The following MACROD2 variants were observed in gnomAD, a reference collection of about 807,000 sequenced individuals.
The protein encoded by MACROD2 is mono-ADP ribosylhydrolase 2.
MACROD2 carries 36 observed loss-of-function variants against 70.4 expected under a neutral mutation model. That is an observed-to-expected ratio of 0.51 (90% CI 0.39 to 0.68). The LOEUF is 0.68. Among genes scored for constraint, MACROD2 ranks in the 30% least tolerant of loss-of-function variants. The pLI is 0.00. For missense variants in MACROD2, 496 were observed against 538.4 expected, an observed-to-expected ratio of 0.92 and a Z score of 0.78; for synonymous variants, 172 against 178.8, an observed-to-expected ratio of 0.96 and a Z score of 0.30.
intron 8 of MACROD2, among the ~76,000 whole-genome samples, chr20:15,796,224 A>C (rs1036253343): frequency 6.6e-6 from 1 of 152,228 alleles, no homozygotes; most frequent in Non-Finnish European, 1.5e-5. Context: ...GGTGTTAACT[A>C]TAAGAAGCCC....
intron 6 of MACROD2, among the ~76,000 whole-genome samples, chr20:15,351,478 T>TGAGA (rs1201208692): frequency 2.0e-5 from 3 of 152,180 alleles, no homozygotes; most frequent in Admixed American, 2.0e-4. Flanking sequence ...ATCAATTCCA[T>TGAGA]GAGAGTAACA....
chr20:15,433,601 T>A (rs1340818621), intron 7 of MACROD2, among the ~76,000 whole-genome samples: 1 of 151,930 alleles, frequency 6.6e-6, no homozygotes, highest in Admixed American at 6.6e-5. Flanking sequence ...CCCATGCTCA[T>A]GGATGGGTAG....
intron 4 of MACROD2, among the ~76,000 whole-genome samples, chr20:14,631,474 A>T (rs949059903): frequency 6.6e-6 from 1 of 152,222 alleles, no homozygotes; most frequent in Non-Finnish European, 1.5e-5. Flanking sequence ...GGATCTTTAA[A>T]TTTAAGAAAA....
intron 13 of MACROD2, among the ~76,000 whole-genome samples, chr20:15,978,435 G>A (rs1025059925): frequency 2.6e-5 from 4 of 152,124 alleles, no homozygotes; most frequent in East Asian, 1.9e-4. Context: ...AGCTGGTCAC[G>A]AGATGATATG....
At chr20:15,888,360 C>T (rs908474292) in intron 10 of MACROD2, among the ~76,000 whole-genome samples, 9 of 152,244 alleles carry the variant, frequency 5.9e-5, no homozygotes, top group African/African-American at 2.2e-4. Flanking sequence ...TTGCCATTCT[C>T]ATTTATCCTG....
chr20:14,664,478 T>G (rs891954320), intron 4 of MACROD2, among the ~76,000 whole-genome samples: 1 of 152,112 alleles, frequency 6.6e-6, no homozygotes, highest in Admixed American at 6.6e-5. Flanking sequence ...TTTAGGCATG[T>G]AATAACATTA....
intron 3 of MACROD2, among the ~76,000 whole-genome samples, chr20:14,408,111 T>A (rs912832738): frequency 6.6e-6 from 1 of 152,180 alleles, no homozygotes; most frequent in African/African-American, 2.4e-5. Flanking sequence ...TAGTGCCTCC[T>A]TTATAGGATT....
intron 5 of MACROD2, among the ~76,000 whole-genome samples, chr20:15,011,637 G>A (rs987534408): frequency 2.0e-5 from 3 of 152,080 alleles, no homozygotes; most frequent in African/African-American, 2.4e-5. Flanking sequence ...TCATCGAGTC[G>A]GTACCTGGTG....
chr20:14,073,308 T>G (rs1177158333), intron 2 of MACROD2, among the ~76,000 whole-genome samples: 3 of 151,520 alleles, frequency 2.0e-5, no homozygotes, highest in Non-Finnish European at 4.4e-5. Flanking sequence ...CACACTCCAG[T>G]CTGGTGACAG....
chr20:15,413,294 T>A (rs1403371588), intron 6 of MACROD2, among the ~76,000 whole-genome samples: 1 of 152,188 alleles, frequency 6.6e-6, no homozygotes, highest in Non-Finnish European at 1.5e-5. Context: ...TGCAGGCACT[T>A]CAGAATTCTG....
chr20:15,719,143 A>G (rs2050748418), intron 8 of MACROD2, among the ~76,000 whole-genome samples: 1 of 152,168 alleles, frequency 6.6e-6, no homozygotes, highest in Non-Finnish European at 1.5e-5. Flanking sequence ...ACTGAACAAA[A>G]GCTATATTTA....
chr20:15,771,012 G>A (rs1350939399), intron 8 of MACROD2, among the ~76,000 whole-genome samples: 1 of 152,112 alleles, frequency 6.6e-6, no homozygotes, highest in Non-Finnish European at 1.5e-5. Flanking sequence ...AAAAGCCATA[G>A]ATATTTGCAG....
intron 5 of MACROD2, among the ~76,000 whole-genome samples, chr20:14,892,325 A>T (rs766120905): frequency 1.4e-4 from 21 of 152,214 alleles, no homozygotes; most frequent in Admixed American, 3.9e-4. Flanking sequence ...TTCAAAAAAA[A>T]TTAGCCGGGC....
At position 14,380,629 on chromosome 20, in the gene MACROD2, T is replaced by C. The variant is rs543936782; in HGVS notation, c.272-112850T>C. On this transcript the variant is annotated intron_variant, in intron 3 of 17. Transcript: ENST00000684519. ...CTTAATTCTTTTACTTGTGGAAATT[T>C]AGTTGTCCCAGTGCCACTGGTGGAA... 3.9e-5 allele frequency among the ~76,000 whole-genome samples: 6 copies of C among 152,224 alleles called. No homozygotes were observed. The South Asian group carries it at 1.0e-3, about 26-fold the overall frequency.
chr20:14,502,816 TA>T (rs1273278345), intron 4 of MACROD2, among the ~76,000 whole-genome samples: 8 of 152,188 alleles, frequency 5.3e-5, no homozygotes, highest in Non-Finnish European at 1.5e-5. Context: ...GTGCTTTAAT[TA>T]ACCCCTCAAA....
chr20:15,777,260 T>G (rs960537416), intron 8 of MACROD2, among the ~76,000 whole-genome samples: 2 of 152,152 alleles, frequency 1.3e-5, no homozygotes, highest in African/African-American at 2.4e-5. Context: ...ATACATATTC[T>G]AAAACTCTTC....
chr20:16,035,773 A>G (rs2067226519), intron 15 of MACROD2, among the ~76,000 whole-genome samples: 1 of 3,556 alleles, frequency 2.8e-4, no homozygotes, highest in Non-Finnish European at 0.013. Context: ...TGGGCCAGGA[A>G]GTGTATCCAT....
chr20:14,261,610 C>T (rs1465243677), intron 3 of MACROD2, among the ~76,000 whole-genome samples: 1 of 152,110 alleles, frequency 6.6e-6, no homozygotes, highest in Non-Finnish European at 1.5e-5. Context: ...ATATTCCAGC[C>T]ATAGTTTATC....
At chr20:15,621,535 G>A (rs2146730748) in intron 8 of MACROD2, among the ~76,000 whole-genome samples, 2 of 152,072 alleles carry the variant, frequency 1.3e-5, no homozygotes, top group South Asian at 4.2e-4. Context: ...ATATAAAATG[G>A]GTACACAATT....
Sources: allele counts gnomAD v4.1 joint callset (sites outside exome capture counted in the v4.1 genomes callset), GRCh38; gene constraint gnomAD v4.1.1; transcripts MANE v1.5; gene names NCBI Gene and HGNC (gene_info 2026-07-23, HGNC 2026-07-21).